The following MLIP variants were observed in gnomAD, a reference collection of about 807,000 sequenced individuals.
The protein encoded by MLIP is muscular LMNA interacting protein, also known as muscular LMNA-interacting protein.
MLIP carries 79 observed loss-of-function variants against 84.8 expected under a neutral mutation model. The ratio of observed to expected loss-of-function variants is 0.93; its 90% CI spans 0.78 to 1.12. The LOEUF is 1.12. Ranked by LOEUF, MLIP falls within the 50% of genes most tolerant of loss-of-function variation. The pLI is 0.00. For missense variants in MLIP, 1,257 were observed against 1,160.6 expected (o/e 1.08, Z -1.21); for synonymous variants, 504 against 463.0 (o/e 1.09, Z -1.14).
At chr6:54,121,349 C>A in intron 1 of MLIP, 98 bp from the exon 2 acceptor site, 3 of 1,275,978 alleles carry the variant, frequency 2.4e-6, no homozygotes, top group Non-Finnish European at 3.3e-6. Context: ...ATAGGCAATT[C>A]ATCAAAATAA....
At chr6:54,207,875 C>A (rs889278856) in intron 11 of MLIP, among the ~76,000 whole-genome samples, 3 of 152,282 alleles carry the variant, frequency 2.0e-5, no homozygotes, top group African/African-American at 7.2e-5. Context: ...TTTGTAATCC[C>A]AGCACTTTGG....
intron 11 of MLIP, among the ~76,000 whole-genome samples, chr6:54,207,409 A>ACC (rs34566577): frequency 0.047 from 4,667 of 98,338 alleles, 271 homozygotes; most frequent in Non-Finnish European, 0.072. Flanking sequence ...TCACCTCTGC[A>ACC]CCCCCCCCCC....
chr6:54,173,632 G>T (rs997238957), intron 9 of MLIP, among the ~76,000 whole-genome samples: 1 of 151,674 alleles, frequency 6.6e-6, no homozygotes, highest in Non-Finnish European at 1.5e-5. Flanking sequence ...TGGGGTACAT[G>T]AGATATTTTG....
intron 1 of MLIP, among the ~76,000 whole-genome samples, chr6:54,026,855 G>A (rs1763833532): frequency 6.6e-6 from 1 of 152,118 alleles, no homozygotes; most frequent in Non-Finnish European, 1.5e-5. Context: ...AGGTAATACA[G>A]TTAAAGTTGT....
chr6:54,109,924 TCTTCCTTCCTTCCTTCCTTC>T (rs765528200), upstream of MLIP, among the ~76,000 whole-genome samples: 1,332 of 65,902 alleles, frequency 0.02, 31 homozygotes, highest in African/African-American at 0.061. Flanking sequence ...TTTCTTTCTT[TCTTCCTTCCTTCCTTCCTTC>T]CTTCCTTCCT....
chr6:54,188,971 C>T (rs759126144), intron 9 of MLIP, among the ~76,000 whole-genome samples: 18 of 152,198 alleles, frequency 1.2e-4, no homozygotes, highest in Non-Finnish European at 2.1e-4. Context: ...AGAAATGCTA[C>T]TACCCTGGAA....
intron 1 of MLIP, among the ~76,000 whole-genome samples, chr6:54,023,387 A>T (rs189203392): frequency 6.6e-6 from 1 of 151,830 alleles, no homozygotes; most frequent in African/African-American, 2.4e-5. Flanking sequence ...TAATATAAGG[A>T]GCTGAACAAT....
At chr6:54,037,469 A>AAGAG (rs776293212) in intron 1 of MLIP, among the ~76,000 whole-genome samples, 9 of 151,484 alleles carry the variant, frequency 5.9e-5, no homozygotes, top group Admixed American at 1.3e-4. Context: ...GAGAGGGAGA[A>AAGAG]AGAGAGAGAG....
At chr6:54,173,969 A>G (rs1776032773) in intron 9 of MLIP, among the ~76,000 whole-genome samples, 1 of 151,920 alleles carries the variant, frequency 6.6e-6, no homozygotes, top group Non-Finnish European at 1.5e-5. Context: ...GATCCCACAA[A>G]TAAGTGAGAA....
chr6:54,132,301 A>G (rs1771445883), intron 3 of MLIP, among the ~76,000 whole-genome samples: 1 of 152,154 alleles, frequency 6.6e-6, no homozygotes, highest in Non-Finnish European at 1.5e-5. Context: ...CTATGTTAGG[A>G]TCAGGGAGCT....
intron 1 of MLIP, among the ~76,000 whole-genome samples, chr6:54,058,690 T>G (rs763519398): frequency 2.6e-5 from 4 of 152,232 alleles, no homozygotes; most frequent in Non-Finnish European, 5.9e-5. Flanking sequence ...GACTAGGAAT[T>G]GAAGCCATGT....
At chr6:54,058,068 A>G (rs922011024) in intron 1 of MLIP, 14 of 152,158 alleles carry the variant, frequency 9.2e-5, no homozygotes, top group Non-Finnish European at 1.6e-4. Context: ...ATAATTTTGG[A>G]TCACAGGCTT....
At chr6:54,052,897 CAT>C (rs2150319273) in intron 1 of MLIP, among the ~76,000 whole-genome samples, 1 of 152,192 alleles carries the variant, frequency 6.6e-6, no homozygotes, top group African/African-American at 2.4e-5. Flanking sequence ...AATGAGGTCT[CAT>C]ATTAATATGC....
At chr6:54,158,323 A>G (rs1774258067) in intron 5 of MLIP, among the ~76,000 whole-genome samples, 1 of 152,128 alleles carries the variant, frequency 6.6e-6, no homozygotes, top group African/African-American at 2.4e-5. Context: ...ATACATGACA[A>G]TAGAGAACTG....
chr6:54,126,733 TA>T (rs200181515), intron 3 of MLIP, among the ~76,000 whole-genome samples: 6 of 151,448 alleles, frequency 4.0e-5, no homozygotes, highest in Non-Finnish European at 7.4e-5. Context: ...GTACAAAGTC[TA>T]AAAAAAAATT....
chr6:54,174,487 A>T (rs974538882), intron 9 of MLIP, among the ~76,000 whole-genome samples: 1 of 151,894 alleles, frequency 6.6e-6, no homozygotes, highest in Non-Finnish European at 1.5e-5. Flanking sequence ...ATTAGCATTT[A>T]TCTGATGATC....
intron 1 of MLIP, among the ~76,000 whole-genome samples, chr6:54,090,349 A>T (rs748024572): frequency 6.6e-6 from 1 of 151,980 alleles, no homozygotes; most frequent in Non-Finnish European, 1.5e-5. Context: ...TAAGTGGAAG[A>T]TACTTACTTT....
At chr6:54,025,832 C>T (rs1399741794) in intron 1 of MLIP, among the ~76,000 whole-genome samples, 1 of 152,084 alleles carries the variant, frequency 6.6e-6, no homozygotes, top group Non-Finnish European at 1.5e-5. Context: ...CTGCAGCTGC[C>T]CTCCCTAAGG....
At chr6:54,117,210 TC>T (rs1384601954) in intron 1 of MLIP, among the ~76,000 whole-genome samples, 2 of 108,980 alleles carry the variant, frequency 1.8e-5, no homozygotes, top group Admixed American at 1.1e-4. Flanking sequence ...TCTATTTCTG[TC>T]TTTTTTTTTT....
Sources: allele counts gnomAD v4.1 joint callset (sites outside exome capture counted in the v4.1 genomes callset), GRCh38; gene constraint gnomAD v4.1.1; transcripts MANE v1.5; gene names NCBI Gene and HGNC (gene_info 2026-07-23, HGNC 2026-07-21).